CRTAC1: variants seen among roughly 807,000 people sequenced by gnomAD.
CRTAC1 encodes the protein acidic secreted protein in cartilage.
A neutral mutation model predicts 67.8 loss-of-function variants in CRTAC1; 37 were observed. That is an observed-to-expected ratio of 0.55 (90% CI 0.42 to 0.72). The LOEUF (loss-of-function observed/expected upper bound fraction) is 0.72. Among genes scored for constraint, CRTAC1 ranks in the 30% least tolerant of loss-of-function variants. The probability of loss-of-function intolerance (pLI) is 0.00; values close to 1 mark genes in which losing one functional copy is unlikely to be tolerated. For missense variants in CRTAC1, 780 were observed against 931.6 expected (o/e 0.84, Z 2.12); for synonymous variants, 348 against 371.0 (o/e 0.94, Z 0.71).
At chr10:97,996,825 G>C (rs1286107769) in intron 2 of CRTAC1, among the ~76,000 whole-genome samples, 1 of 152,038 alleles carries the variant, frequency 6.6e-6, no homozygotes, top group African/African-American at 2.4e-5. Context: ...CAAAGACTTG[G>C]AACCAACCCA....
chr10:97,897,088 T>C, intron 8 of CRTAC1, 97 bp from the exon 9 acceptor site: 1 of 847,092 alleles, frequency 1.2e-6, no homozygotes, highest in Non-Finnish European at 1.8e-6. Context: ...CATCCCCGGG[T>C]CCCAATGTGC....
chr10:97,965,757 C>T (rs1377404127), intron 2 of CRTAC1, among the ~76,000 whole-genome samples: 1 of 152,160 alleles, frequency 6.6e-6, no homozygotes, highest in Non-Finnish European at 1.5e-5. Context: ...CCTGCTTTTC[C>T]CTGGGCTGTG....
At chr10:97,908,282 C>T (rs1411959460) in intron 5 of CRTAC1, 135 bp from the exon 6 acceptor site, 22 of 908,034 alleles carry the variant, frequency 2.4e-5, no homozygotes, top group South Asian at 8.5e-5. Context: ...TTCTGCTTCC[C>T]GTGCTTTCCT....
chr10:97,950,880 C>T (rs753637991), intron 2 of CRTAC1, among the ~76,000 whole-genome samples: 1 of 152,124 alleles, frequency 6.6e-6, no homozygotes, highest in Admixed American at 6.5e-5. Context: ...TTGGCCTTCT[C>T]ATAGGTACAT....
intron 2 of CRTAC1, among the ~76,000 whole-genome samples, chr10:97,963,836 T>C (rs1191413463): frequency 6.6e-6 from 1 of 152,228 alleles, no homozygotes; most frequent in East Asian, 1.9e-4. Context: ...TGTAGGTCGT[T>C]GCCTTTTACA....
At chr10:97,955,085 G>T (rs1282351154) in intron 2 of CRTAC1, among the ~76,000 whole-genome samples, 5 of 152,184 alleles carry the variant, frequency 3.3e-5, no homozygotes, top group Non-Finnish European at 5.9e-5. Flanking sequence ...GAGTGTACTA[G>T]ATGCTTCATT....
intron 1 of CRTAC1, among the ~76,000 whole-genome samples, chr10:98,019,586 G>A (rs1483660678): frequency 2.6e-5 from 4 of 152,290 alleles, no homozygotes; most frequent in East Asian, 1.9e-4. Context: ...TTGGGCCTCC[G>A]TCTTTACTCT....
At chr10:97,949,646 A>C (rs548860555) in intron 2 of CRTAC1, among the ~76,000 whole-genome samples, 2 of 152,352 alleles carry the variant, frequency 1.3e-5, no homozygotes, top group African/African-American at 2.4e-5. Flanking sequence ...GAAGTCAGAC[A>C]TAAAGGCTGA....
intron 2 of CRTAC1, among the ~76,000 whole-genome samples, chr10:97,987,928 C>T (rs886417204): frequency 6.6e-6 from 1 of 152,184 alleles, no homozygotes; most frequent in Non-Finnish European, 1.5e-5. Context: ...CAGGGATGGG[C>T]ATATGGTCAC....
At chr10:97,921,628 T>C (rs1162713398) in intron 4 of CRTAC1, among the ~76,000 whole-genome samples, 1 of 152,200 alleles carries the variant, frequency 6.6e-6, no homozygotes, top group Non-Finnish European at 1.5e-5. Context: ...GTTACTGTTG[T>C]CCTTGCTCTC....
At chr10:97,918,005 G>T (rs2050784406) in intron 4 of CRTAC1, among the ~76,000 whole-genome samples, 1 of 152,112 alleles carries the variant, frequency 6.6e-6, no homozygotes, top group African/African-American at 2.4e-5. Flanking sequence ...GCCAGCCAGG[G>T]TAGCTGCTCA....
intron 2 of CRTAC1, among the ~76,000 whole-genome samples, chr10:97,998,327 T>C (rs1842624831): frequency 6.6e-6 from 1 of 152,116 alleles, no homozygotes; most frequent in African/African-American, 2.4e-5. Flanking sequence ...ATGACAGACA[T>C]GAATCCTCCA....
chr10:98,012,993 A>G (rs1842935183), intron 1 of CRTAC1, among the ~76,000 whole-genome samples: 1 of 152,248 alleles, frequency 6.6e-6, no homozygotes, highest in African/African-American at 2.4e-5. Context: ...GATTGGATAA[A>G]GGAAACTCAT....
At chr10:97,939,629 C>T (rs2051141616) in intron 2 of CRTAC1, among the ~76,000 whole-genome samples, 1 of 152,140 alleles carries the variant, frequency 6.6e-6, no homozygotes, top group Non-Finnish European at 1.5e-5. Flanking sequence ...CTCTCACAAT[C>T]CCCCAAGAAA....
intron 1 of CRTAC1, among the ~76,000 whole-genome samples, chr10:98,014,598 ACTC>A (rs1213832698): frequency 1.3e-5 from 2 of 152,130 alleles, no homozygotes; most frequent in Non-Finnish European, 2.9e-5. Context: ...TATATAAAGA[ACTC>A]CTACAACTCA....
chr10:98,013,354 T>C (rs1433248707), intron 1 of CRTAC1, among the ~76,000 whole-genome samples: 1 of 152,196 alleles, frequency 6.6e-6, no homozygotes, highest in Non-Finnish European at 1.5e-5. Context: ...ATTCAGGTAA[T>C]ATGAGCCTAA....
At chr10:98,003,937 A>T (rs1407391698) in intron 2 of CRTAC1, among the ~76,000 whole-genome samples, 5 of 152,192 alleles carry the variant, frequency 3.3e-5, no homozygotes, top group Non-Finnish European at 5.9e-5. Flanking sequence ...GGGGAGAAGG[A>T]GGTACGGATG....
chr10:97,898,894 C>T (rs1198787837), intron 8 of CRTAC1, among the ~76,000 whole-genome samples: 8 of 152,038 alleles, frequency 5.3e-5, no homozygotes, highest in Non-Finnish European at 1.0e-4. Flanking sequence ...TTTCTTTTTT[C>T]CTTCTTCTTT....
At chr10:98,018,231 A>AAAAAGAG (rs1554936675) in intron 1 of CRTAC1, among the ~76,000 whole-genome samples, 3 of 142,116 alleles carry the variant, frequency 2.1e-5, no homozygotes, top group African/African-American at 8.4e-5. Context: ...AAAAAAAAAA[A>AAAAAGAG]AGAGAGAGAG....
Sources: gnomAD v4.1 joint callset for allele counts (sites outside exome capture counted in the v4.1 genomes callset) on GRCh38, gnomAD v4.1.1 for gene constraint, MANE v1.5 for transcripts, NCBI Gene and HGNC (gene_info 2026-07-23, HGNC 2026-07-21) for gene names.